Variants in HMGN1 observed in about 807,000 individuals in gnomAD.
The protein encoded by HMGN1 is non-histone chromosomal protein HMG-14.
HMGN1 carries 9 observed loss-of-function variants against 18.4 expected under a neutral mutation model. The observed-to-expected ratio is 0.49, with a 90% CI of 0.29 to 0.85. The LOEUF is 0.85. Ranked by LOEUF, HMGN1 falls within the 40% of genes least tolerant of loss-of-function variation. The pLI, the probability that HMGN1 is intolerant of heterozygous loss-of-function variation, is 0.07. For missense variants in HMGN1, 151 were observed against 119.2 expected, an observed-to-expected ratio of 1.27 and a Z score of -1.24; for synonymous variants, 59 against 45.0, an observed-to-expected ratio of 1.31 and a Z score of -1.24.
Position 39,348,424 on chromosome 21 carries a change from C to G in HMGN1, c.76G>C (p.Ala26Pro). ...GTTACGGGGCTCGCTTTACTTACAGCTGACAACCGCGCCGATCTCCTCTTG... is the reference window on the plus strand; with the variant it reads ...GTTACGGGGCTCGCTTTACTTACAGGTGACAACCGCGCCGATCTCCTCTTG... ...EPKRRSARLSAKPPAKVEAKP... is the reference protein window; with the variant it reads ...EPKRRSARLSPKPPAKVEAKP... The change falls in exon 3 of 6, where the codon GCT (alanine) becomes CCT (proline). Residue 26 changes from alanine (A) to proline (P), a missense_variant and splice_region_variant. Ala to Pro is a conservative substitution (Grantham distance 27). Coordinates refer to ENST00000380749, the MANE Select transcript of HMGN1 (RefSeq NM_004965.7). 3 of 1,614,206 alleles carry G rather than the reference C, an allele frequency of 1.9e-6. No individual in the cohort carries two copies. Among genetic ancestry groups the G allele is most frequent in the East Asian group, 2.2e-5 (1 of 44,870 alleles).
intron 4 of HMGN1, chr21:39,346,920 TGA>T (rs2037073833): frequency 6.6e-6 from 1 of 152,260 alleles, no homozygotes; most frequent in Admixed American, 6.6e-5. Flanking sequence ...CCAAACCCAC[TGA>T]GAGTAAAACT....
At position 39,342,694 on chromosome 21, in the gene HMGN1, A is replaced by G. The variant is rs1208186516; in HGVS notation, c.*418T>C. The G allele has an allele frequency of 2.6e-5, 9 of 346,774 alleles. No individual in the cohort carries two copies. The highest frequency in any genetic ancestry group is 4.9e-5 in the Non-Finnish European group (9 of 182,420). The allele number at this position is 346,774 out of a possible 1,614,324, so 21.5% of individuals were successfully genotyped here. A position where few individuals can be genotyped will look rare whatever the true frequency, so the allele number is the denominator to read the frequency against. The stretch of plus-strand genomic sequence containing the variant: ...CCATGATCAAAGAGTGGTTTTCTTT[A>G]GGAAACAATTCTACTAAAAAACAAC... On this transcript the variant is annotated 3_prime_UTR_variant, in exon 6 of 6. Transcript: ENST00000380749.
intron 5 of HMGN1, 127 bp from the exon 6 acceptor site, chr21:39,343,286 T>A: frequency 1.1e-6 from 1 of 918,346 alleles, no homozygotes; most frequent in Non-Finnish European, 1.6e-6. Flanking sequence ...CTACTCTTGT[T>A]AAAAAACTTT....
chr21:39,347,391 A>G, intron 4 of HMGN1: 1 of 1,207,088 alleles, frequency 8.3e-7, no homozygotes, highest in South Asian at 1.4e-5. Flanking sequence ...TTATTTAACA[A>G]GGACAAATTT....
intron 1 of HMGN1, 59 bp from the exon 2 acceptor site, chr21:39,348,636 G>A: frequency 6.9e-7 from 1 of 1,451,382 alleles, no homozygotes. Flanking sequence ...TCGCGGGCCC[G>A]CCCGGCCCCG....
intron 4 of HMGN1, 37 bp downstream of exon 4, chr21:39,348,255 G>A: frequency 1.9e-6 from 3 of 1,612,492 alleles, no homozygotes; most frequent in Non-Finnish European, 2.5e-6. Flanking sequence ...TGTAGCCTAA[G>A]GCCCCGCTGC....
intron 4 of HMGN1, chr21:39,347,379 C>A: frequency 2.6e-6 from 3 of 1,162,238 alleles, no homozygotes; most frequent in African/African-American, 1.6e-5. Context: ...TGTTTTATAC[C>A]TTTATTTAAC....
Position 39,345,151 on chromosome 21 carries a change from C to T in HMGN1, c.250G>A (p.Glu84Lys), listed in dbSNP as rs760165068. The change falls in exon 5 of 6, where the codon GAG (glutamate) becomes AAG (lysine). Residue 84 changes from glutamate to lysine, a missense_variant. Glu to Lys is a moderately conservative substitution (Grantham distance 56, BLOSUM62 1). Transcript: ENST00000380749. ...CACACACACACACTTCTGACCTCCT[C>T]AGTCTTCGTTTCCCCGTTTTCCGCA... ...LPAENGETKT[E>K]ESPASDEAGE... 13 of 1,480,544 alleles carry T rather than the reference C, an allele frequency of 8.8e-6. No homozygotes were observed. The highest frequency in any genetic ancestry group is 4.6e-6 in the Non-Finnish European group (5 of 1,098,560). 91.7% of individuals were successfully genotyped at this position (1,480,544 alleles called of 1,614,324 possible).
In HMGN1 at chr21:39,348,935, C is replaced by G; in HGVS notation, c.-18G>C. 2 of 1,195,036 alleles carry G rather than the reference C, an allele frequency of 1.7e-6. No homozygotes were observed. Among genetic ancestry groups the G allele is most frequent in the Non-Finnish European group, 2.1e-6 (2 of 964,798 alleles). 74.0% of individuals were successfully genotyped at this position (1,195,036 alleles called of 1,614,324 possible). On this transcript the variant is annotated 5_prime_UTR_variant, in exon 1 of 6. Coordinates refer to ENST00000380749, the MANE Select transcript of HMGN1 (RefSeq NM_004965.7). The stretch of plus-strand genomic sequence containing the variant: ...TTGGGCATCGTGGCGGCGGGGAAGG[C>G]GCGTGCCGGGTGCCTGCGGGGAAGG...
Position 39,343,401 on chromosome 21 carries a change from T to C in HMGN1, c.256-242A>G, listed in dbSNP as rs2036932643. 2.0e-5 allele frequency among the ~76,000 whole-genome samples: 3 copies of C among 152,176 alleles called. No homozygotes were observed. In the South Asian group the frequency reaches 6.2e-4, roughly 32 times the overall value. ...ATGTTGAGTTGCATCACATGTACAC[T>C]CCAAGCTGAGGTCACTCTGTCTTCT... is the stretch of plus-strand genomic sequence containing the variant. On this transcript the variant is annotated intron_variant, in intron 5 of 5. Transcript: ENST00000380749.
Position 39,348,484 on chromosome 21 carries a change from G to A in HMGN1, c.49-33C>T, listed in dbSNP as rs371384014. 1,493 of 1,614,154 alleles carry A rather than the reference G, an allele frequency of 9.2e-4. 3 individuals are homozygous for A. Among genetic ancestry groups the A allele is most frequent in the Admixed American group, 1.3e-3 (80 of 60,030 alleles). ...AAAGAAAAAGGAGAGTCAGCGAGAAGAGAAGGCAGGCCAGCGGCTCACGGG... is the reference window on the plus strand; with the variant it reads ...AAAGAAAAAGGAGAGTCAGCGAGAAAAGAAGGCAGGCCAGCGGCTCACGGG... On this transcript the variant is annotated intron_variant, in intron 2 of 5. Coordinates refer to ENST00000380749, the MANE Select transcript of HMGN1 (RefSeq NM_004965.7).
chr21:39,345,115 A>T (rs781338622), intron 5 of HMGN1, 31 bp downstream of exon 5: 160 of 936,816 alleles, frequency 1.7e-4, no homozygotes, highest in Non-Finnish European at 2.3e-4. Context: ...GCAATCACAC[A>T]CACACACACA....
At chr21:39,344,845 A>C (rs1333425263) in intron 5 of HMGN1, among the ~76,000 whole-genome samples, 2 of 152,206 alleles carry the variant, frequency 1.3e-5, no homozygotes, top group African/African-American at 4.8e-5. Context: ...AAGGGGAATA[A>C]ATTTTCAAAA....
At chr21:39,348,853 G>A in intron 1 of HMGN1, 50 bp downstream of exon 1, 1 of 1,064,268 alleles carries the variant, frequency 9.4e-7, no homozygotes, top group Non-Finnish European at 1.1e-6. Context: ...GCCCGGCGGG[G>A]CGCCGGCGGC....
chr21:39,345,058 T>C (rs2036994163), intron 5 of HMGN1, 88 bp downstream of exon 5: 4 of 1,413,120 alleles, frequency 2.8e-6, no homozygotes, highest in Non-Finnish European at 2.8e-6. Flanking sequence ...AATACTGTTA[T>C]CTGCTACAAA....
Position 39,345,269 on chromosome 21 carries a change from T to C in HMGN1, c.132A>G (p.Lys44=), listed in dbSNP as rs766195758. The change falls in exon 5 of 6, where the codon AAA becomes AAG. Residue 44 remains lysine (K), a synonymous_variant. Transcript: ENST00000380749. ...TTGTTTGCACTTTTTTGTCTGAAGA[T>C]TTATCCTATGATAGAATAAGAATAT... ...AKPKKAAAKD[K]SSDKKVQTKG... is the part of the protein sequence containing the mutation. The C allele has an allele frequency of 6.2e-7, 1 of 1,612,176 alleles. No individual in the cohort carries two copies. The highest frequency in any genetic ancestry group is 8.5e-7 in the Non-Finnish European group (1 of 1,178,512).
chr21:39,348,085 C>G (rs1341162507), intron 4 of HMGN1: 1 of 893,920 alleles, frequency 1.1e-6, no homozygotes, highest in East Asian at 2.7e-5. Flanking sequence ...AGTCTCCTAA[C>G]ATCTGCAGCA....
chr21:39,345,542 C>T (rs756138972), intron 4 of HMGN1: 56 of 513,440 alleles, frequency 1.1e-4, no homozygotes, highest in Non-Finnish European at 1.8e-4. Flanking sequence ...CATGAGACAA[C>T]TTAAGGTCCC....
intron 4 of HMGN1, chr21:39,347,014 T>C (rs932808723): frequency 6.6e-6 from 1 of 151,490 alleles, no homozygotes; most frequent in African/African-American, 2.4e-5. Flanking sequence ...ACAAGAAAAA[T>C]GTAAAGAGGG....
Sources: allele counts gnomAD v4.1 joint callset (sites outside exome capture counted in the v4.1 genomes callset), GRCh38; gene constraint gnomAD v4.1.1; transcripts MANE v1.5; gene names NCBI Gene and HGNC (gene_info 2026-07-23, HGNC 2026-07-21).